The following PMEPA1 variants were observed in gnomAD, a reference collection of about 807,000 sequenced individuals.
PMEPA1 encodes the protein protein TMEPAI.
PMEPA1 carries 11 observed loss-of-function variants against 23.0 expected under a neutral mutation model. The ratio of observed to expected loss-of-function variants is 0.48; its 90% confidence interval spans 0.30 to 0.79. The LOEUF is 0.79. PMEPA1 is among the 30% of genes least tolerant of loss of function. PMEPA1 has a pLI of 0.06. For missense variants in PMEPA1, 377 were observed against 390.9 expected (o/e 0.96, Z 0.30); for synonymous variants, 204 against 166.4 (o/e 1.23, Z -1.74).
In PMEPA1 at chr20:57,704,395, C is replaced by T. The variant is rs937719944; in HGVS notation, c.109+5079G>A. On this transcript the variant is annotated intron_variant, in intron 1 of 3. Coordinates refer to ENST00000341744, the MANE Select transcript of PMEPA1 (RefSeq NM_020182.5). This position sits in a 1 kb window ranked among gnomAD's most constrained non-coding sequence, Gnocchi z 4.6. ...CCAGAGGGTGCATGAAGAGTAGGTC[C>T]GTCTCCCGCACAGCTCCCGCACGTG... 1.3e-5 allele frequency among the ~76,000 whole-genome samples: 2 copies of T among 152,188 alleles called. No homozygotes were observed. Among genetic ancestry groups the T allele is most frequent in the African/African-American group, 4.8e-5 (2 of 41,442 alleles).
At chr20:57,707,441 G>A (rs1454317080) in intron 1 of PMEPA1, among the ~76,000 whole-genome samples, 1 of 152,198 alleles carries the variant, frequency 6.6e-6, no homozygotes, top group Non-Finnish European at 1.5e-5. Flanking sequence ...CAGAACACAG[G>A]ACTAACTGGG....
At chr20:57,688,213 A>G (rs2071827214) in intron 1 of PMEPA1, among the ~76,000 whole-genome samples, 1 of 152,194 alleles carries the variant, frequency 6.6e-6, no homozygotes, top group Non-Finnish European at 1.5e-5. Context: ...GGTCAGTGCA[A>G]CTACTTTCTA....
intron 1 of PMEPA1, among the ~76,000 whole-genome samples, chr20:57,674,296 C>G (rs901144769): frequency 6.6e-6 from 1 of 152,208 alleles, no homozygotes; most frequent in Admixed American, 6.5e-5. Flanking sequence ...CACCAAGGAA[C>G]GGCCATGTGA....
intron 1 of PMEPA1, among the ~76,000 whole-genome samples, chr20:57,661,668 G>A (rs770776982): frequency 2.0e-5 from 3 of 152,174 alleles, no homozygotes; most frequent in Non-Finnish European, 2.9e-5. Flanking sequence ...GTGCAGAGCC[G>A]ATGCCAGGCG....
chr20:57,699,057 T>C (rs1010639351), intron 1 of PMEPA1, among the ~76,000 whole-genome samples: 3 of 152,196 alleles, frequency 2.0e-5, no homozygotes, highest in African/African-American at 7.2e-5. Context: ...TGTGGCCCCA[T>C]GCAAATTCTG....
chr20:57,660,861 C>G (rs2071408893), intron 1 of PMEPA1, among the ~76,000 whole-genome samples: 1 of 152,180 alleles, frequency 6.6e-6, no homozygotes, highest in Non-Finnish European at 1.5e-5. Context: ...ACCCAACACT[C>G]CTACACACAT....
At chr20:57,667,507 G>A (rs203393) in intron 1 of PMEPA1, among the ~76,000 whole-genome samples, 78,813 of 151,802 alleles carry the variant, frequency 0.52, 20,675 homozygotes, top group South Asian at 0.63. Flanking sequence ...GAGTCCACCC[G>A]GCTCCTGCCG....
chr20:57,705,305 G>A (rs2072066040), intron 1 of PMEPA1, among the ~76,000 whole-genome samples: 1 of 152,212 alleles, frequency 6.6e-6, no homozygotes, highest in Non-Finnish European at 1.5e-5. Context: ...GGAAGCTGAG[G>A]CCAACTGTCT....
chr20:57,653,681 C>T (rs962829293), intron 2 of PMEPA1, among the ~76,000 whole-genome samples: 1 of 152,196 alleles, frequency 6.6e-6, no homozygotes, highest in African/African-American at 2.4e-5. Context: ...CCATGCTGAC[C>T]AGCCCCCTGG....
intron 1 of PMEPA1, chr20:57,690,390 T>C (rs1188586503): frequency 7.8e-7 from 1 of 1,283,604 alleles, no homozygotes; most frequent in Non-Finnish European, 1.0e-6. Flanking sequence ...GAGAAGAAAC[T>C]TACCTCCATG....
rs746470444 is a variant in PMEPA1 at position 57,659,719 on chromosome 20, C to G, written c.110-22G>C. 6 of 1,555,572 alleles carry G rather than the reference C, an allele frequency of 3.9e-6. No homozygotes were observed. In the Admixed American group the frequency reaches 9.7e-5, roughly 25 times the overall value. On this transcript the variant is annotated intron_variant, in intron 1 of 3. Coordinates refer to ENST00000341744, the MANE Select transcript of PMEPA1 (RefSeq NM_020182.5). ...TCCGCTGTGGAGACAAAGAGGGACA[C>G]GTGAGACCCTGGACACCTGCAGGTC...
chr20:57,666,128 C>T (rs1176903823), intron 1 of PMEPA1, among the ~76,000 whole-genome samples: 3 of 152,152 alleles, frequency 2.0e-5, no homozygotes, highest in South Asian at 2.1e-4. Context: ...AATAAGGTCA[C>T]TCTAATTTAA....
At position 57,653,082 on chromosome 20, in the gene PMEPA1, C is replaced by T. The variant is rs1369377992; in HGVS notation, c.269G>A (p.Gly90Glu). The T allele has an allele frequency of 1.9e-6, 3 of 1,585,014 alleles. No individual in the cohort carries two copies. The highest frequency in any genetic ancestry group is 2.6e-6 in the Non-Finnish European group (3 of 1,165,098). The change falls in exon 3 of 4, where the codon GGA becomes GAA. Residue 90 changes from glycine to glutamate, a missense_variant. By Grantham distance (98) the Gly-to-Glu change is moderately conservative. Around this residue, in one of 3 missense-constraint regions of PMEPA1, gnomAD observed 198 missense variants for 196.3 expected, o/e 1.01. Coordinates refer to ENST00000341744, the MANE Select transcript of PMEPA1 (RefSeq NM_020182.5). ...RRREDALSSE[G>E]CLWPSESTVS... ...TGTGCTCTCCGAGGGCCACAGGCAT[C>T]CTTCCTGCACAGGAAGAAACGTACA...
intron 1 of PMEPA1, 66 bp from the exon 2 acceptor site, chr20:57,659,763 C>T: frequency 6.8e-7 from 1 of 1,474,606 alleles, no homozygotes; most frequent in South Asian, 1.3e-5. Context: ...CAGGGCTCAG[C>T]CCTTTTGAGC....
chr20:57,672,594 C>G (rs1012196615), intron 1 of PMEPA1, among the ~76,000 whole-genome samples: 4 of 152,312 alleles, frequency 2.6e-5, no homozygotes, highest in African/African-American at 9.6e-5. Flanking sequence ...GCCGCTAACC[C>G]GGGGTGGCTC....
intron 2 of PMEPA1, 33 bp downstream of exon 2, chr20:57,659,510 C>G: frequency 6.2e-7 from 1 of 1,606,670 alleles, no homozygotes; most frequent in Non-Finnish European, 8.5e-7. Flanking sequence ...CTGCCGCACC[C>G]TCAGGCCACA....
At chr20:57,694,407 A>G (rs2071919760) in intron 1 of PMEPA1, among the ~76,000 whole-genome samples, 1 of 152,252 alleles carries the variant, frequency 6.6e-6, no homozygotes, top group African/African-American at 2.4e-5. Flanking sequence ...CGAAATCGAC[A>G]ATGTGCTTGT....
chr20:57,692,985 T>C (rs1183461496), intron 1 of PMEPA1, among the ~76,000 whole-genome samples: 1 of 152,150 alleles, frequency 6.6e-6, no homozygotes, highest in African/African-American at 2.4e-5. Context: ...TAATCAGAAT[T>C]AACCTGGCAG....
rs2071208141 is a variant in PMEPA1 at position 57,650,387 on chromosome 20, T to G, written c.*1666A>C. On this transcript the variant is annotated 3_prime_UTR_variant, in exon 4 of 4. Transcript: ENST00000341744. ...CCCACCCCCATGGGGAGGAAAGACG[T>G]CAAGCTCCAGCCACTGGCCCCGGTG... 6.6e-6 allele frequency: 1 copy of G among 152,180 alleles called. No homozygotes were observed. Among genetic ancestry groups the G allele is most frequent in the South Asian group, 2.1e-4 (1 of 4,822 alleles). 9.4% of individuals were successfully genotyped at this position (152,180 alleles called of 1,614,324 possible). A position where few individuals can be genotyped will look rare whatever the true frequency, so the allele number is the denominator to read the frequency against.
Sources: gnomAD v4.1 joint callset for allele counts (sites outside exome capture counted in the v4.1 genomes callset) on GRCh38, gnomAD v4.1.1 for gene constraint, gnomAD v4.1.1 regional missense constraint, Gnocchi (gnomAD v3.1) non-coding constraint, MANE v1.5 for transcripts, NCBI Gene and HGNC (gene_info 2026-07-23, HGNC 2026-07-21) for gene names.